Variants in TMEM132D observed in about 807,000 individuals in gnomAD.
TMEM132D encodes the protein mature OL transmembrane protein.
TMEM132D carries 21 observed loss-of-function variants against 62.3 expected under a neutral mutation model. That is an observed-to-expected ratio of 0.34 (90% confidence interval 0.24 to 0.49). The LOEUF (loss-of-function observed/expected upper bound fraction) is 0.49, where lower values mean the gene tolerates loss of function less well. Ranked by LOEUF, TMEM132D falls within the 20% of genes least tolerant of loss-of-function variation. The probability of loss-of-function intolerance (pLI) is 0.99; values close to 1 mark genes in which losing one functional copy is unlikely to be tolerated. For missense variants in TMEM132D, 1,346 were observed against 1,402.8 expected (o/e 0.96, Z 0.65); for synonymous variants, 621 against 575.6 (o/e 1.08, Z -1.13).
intron 2 of TMEM132D, among the ~76,000 whole-genome samples, chr12:129,546,597 C>T (rs766802573): frequency 7.9e-5 from 12 of 151,872 alleles, no homozygotes; most frequent in African/African-American, 1.2e-4. Flanking sequence ...GTCAGGAGTT[C>T]GAGACCAGCC....
At chr12:129,258,077 G>A (rs1438532021) in intron 4 of TMEM132D, among the ~76,000 whole-genome samples, 7 of 152,102 alleles carry the variant, frequency 4.6e-5, no homozygotes, top group Admixed American at 2.6e-4. Context: ...AACAGGACCC[G>A]TTTGCTCATA....
At chr12:129,626,273 T>C (rs942770082) in intron 2 of TMEM132D, among the ~76,000 whole-genome samples, 2 of 152,184 alleles carry the variant, frequency 1.3e-5, no homozygotes, top group African/African-American at 4.8e-5. Flanking sequence ...TTTGTTTTTG[T>C]TCGTGAAACC....
chr12:129,901,242 G>A (rs1373903023), intron 1 of TMEM132D, among the ~76,000 whole-genome samples: 1 of 152,200 alleles, frequency 6.6e-6, no homozygotes, highest in Admixed American at 6.5e-5. Context: ...ATTGCAAGAT[G>A]GGTGAGAACT....
chr12:129,593,596 C>G (rs993347851), intron 2 of TMEM132D, among the ~76,000 whole-genome samples: 5 of 152,140 alleles, frequency 3.3e-5, no homozygotes, highest in Non-Finnish European at 7.3e-5. Flanking sequence ...ATGACAAACC[C>G]TGAAATATTG....
intron 1 of TMEM132D, among the ~76,000 whole-genome samples, chr12:129,798,074 C>A (rs537989994): frequency 6.6e-6 from 1 of 152,240 alleles, no homozygotes; most frequent in South Asian, 2.1e-4. Context: ...CTCTCTCTCT[C>A]GATTGCACTC....
chr12:129,705,043 T>C (rs1881470799), intron 1 of TMEM132D, among the ~76,000 whole-genome samples: 1 of 151,954 alleles, frequency 6.6e-6, no homozygotes, highest in South Asian at 2.1e-4. Context: ...ATGCAGAAAA[T>C]TGAATTTATC....
intron 3 of TMEM132D, among the ~76,000 whole-genome samples, chr12:129,395,185 G>T (rs985499020): frequency 1.3e-5 from 2 of 152,130 alleles, no homozygotes; most frequent in Non-Finnish European, 2.9e-5. Context: ...TTACCCATTA[G>T]ATGGGTGCAA....
intron 5 of TMEM132D, among the ~76,000 whole-genome samples, chr12:129,165,482 T>C (rs1378191521): frequency 6.6e-6 from 1 of 152,226 alleles, no homozygotes; most frequent in Non-Finnish European, 1.5e-5. Flanking sequence ...ATGGATCAGT[T>C]GTTTTAGGGA....
At chr12:129,149,866 C>T (rs1396714478) in intron 5 of TMEM132D, among the ~76,000 whole-genome samples, 1 of 152,186 alleles carries the variant, frequency 6.6e-6, no homozygotes, top group East Asian at 1.9e-4. Context: ...TCCTGTGTGT[C>T]CTGAACACTC....
intron 1 of TMEM132D, among the ~76,000 whole-genome samples, chr12:129,901,924 C>T (rs146045187): frequency 6.6e-6 from 1 of 151,350 alleles, no homozygotes; most frequent in African/African-American, 2.4e-5. Flanking sequence ...TTTTTTTAAC[C>T]TCACGTCTGC....
At chr12:129,505,398 A>C (rs576290356) in intron 3 of TMEM132D, among the ~76,000 whole-genome samples, 1 of 151,954 alleles carries the variant, frequency 6.6e-6, no homozygotes, top group Non-Finnish European at 1.5e-5. Flanking sequence ...GCCTGCCACC[A>C]TGCCCGGCTA....
At chr12:129,494,357 C>T (rs913918033) in intron 3 of TMEM132D, among the ~76,000 whole-genome samples, 4 of 152,144 alleles carry the variant, frequency 2.6e-5, no homozygotes, top group Admixed American at 1.3e-4. Flanking sequence ...ATCTCTGGCT[C>T]TAAAACGTGC....
intron 3 of TMEM132D, among the ~76,000 whole-genome samples, chr12:129,455,101 T>C (rs1873425477): frequency 1.3e-5 from 2 of 152,236 alleles, no homozygotes; most frequent in Admixed American, 1.3e-4. Flanking sequence ...CTGCTGCTGA[T>C]TCTGGAAGGG....
At chr12:129,785,042 G>A (rs763489943) in intron 1 of TMEM132D, among the ~76,000 whole-genome samples, 2 of 152,138 alleles carry the variant, frequency 1.3e-5, no homozygotes, top group African/African-American at 2.4e-5. Context: ...CGTTGCCATC[G>A]ACATATCATG....
chr12:129,714,290 T>C (rs1868485926), intron 1 of TMEM132D, among the ~76,000 whole-genome samples: 1 of 152,250 alleles, frequency 6.6e-6, no homozygotes, highest in South Asian at 2.1e-4. Context: ...ATGCCCTGGT[T>C]AGTTTATTCA....
At chr12:129,505,304 G>T (rs533615478) in intron 3 of TMEM132D, among the ~76,000 whole-genome samples, 4 of 151,630 alleles carry the variant, frequency 2.6e-5, no homozygotes, top group South Asian at 4.2e-4. Flanking sequence ...GTGCAGTGGC[G>T]CAATCTTGGC....
At chr12:129,540,707 G>A (rs1008767525) in intron 2 of TMEM132D, among the ~76,000 whole-genome samples, 2 of 152,110 alleles carry the variant, frequency 1.3e-5, no homozygotes, top group Non-Finnish European at 2.9e-5. Flanking sequence ...GGCTGGTCTC[G>A]AACTCCTGGC....
intron 5 of TMEM132D, among the ~76,000 whole-genome samples, chr12:129,143,770 G>A (rs1876810827): frequency 6.6e-6 from 1 of 152,122 alleles, no homozygotes; most frequent in East Asian, 1.9e-4. Flanking sequence ...TCTGAGTTCT[G>A]GGTAGCACAG....
At position 129,827,354 on chromosome 12, in the gene TMEM132D, TCA is replaced by T. The variant is rs1872689033; in HGVS notation, c.79+75905_79+75906del. On this transcript the variant is annotated intron_variant, in intron 1 of 8. Coordinates refer to ENST00000422113, the MANE Select transcript of TMEM132D (RefSeq NM_133448.3). The surrounding 1 kb of genome is among the most constrained non-coding windows in gnomAD (Gnocchi z 9.7). The stretch of plus-strand genomic sequence containing the variant: ...CAGTTTCTAAGCCCCAAATTCATGG[TCA>T]CACCCCCAGGCAGAACTCTGGAGCA... 6.6e-6 allele frequency among the ~76,000 whole-genome samples: 1 copy of T among 152,146 alleles called. No homozygotes were observed. The highest frequency in any genetic ancestry group is 2.4e-5 in the African/African-American group (1 of 41,422).
Sources: gnomAD v4.1 joint callset for allele counts (sites outside exome capture counted in the v4.1 genomes callset) on GRCh38, gnomAD v4.1.1 for gene constraint, Gnocchi (gnomAD v3.1) non-coding constraint, MANE v1.5 for transcripts, NCBI Gene and HGNC (gene_info 2026-07-23, HGNC 2026-07-21) for gene names.